The following TSPAN9 variants were observed in gnomAD, a reference collection of about 807,000 sequenced individuals.
TSPAN9 encodes tetraspanin-9.
In TSPAN9, 16 loss-of-function variants were observed where a neutral mutation model predicts 31.0. The observed-to-expected ratio is 0.52, with a 90% confidence interval of 0.35 to 0.78. The LOEUF (loss-of-function observed/expected upper bound fraction) is 0.78, where lower values mean the gene tolerates loss of function less well. Among genes scored for constraint, TSPAN9 ranks in the 30% least tolerant of loss-of-function variants. TSPAN9 has a pLI of 0.01. For synonymous variants in TSPAN9, 145 were observed against 121.6 expected (o/e 1.19, Z -1.27); for missense variants, 272 against 312.5 (o/e 0.87, Z 0.98).
intron 3 of TSPAN9, among the ~76,000 whole-genome samples, chr12:3,221,352 A>ATTTTTTTTTTTTTTT (rs200531623): frequency 7.6e-6 from 1 of 131,646 alleles, no homozygotes; most frequent in Non-Finnish European, 1.6e-5. Context: ...TATTTAAAAT[A>ATTTTTTTTTTTTTTT]TTTTTCTCTT....
At chr12:3,118,871 G>C (rs1591635964) in intron 2 of TSPAN9, among the ~76,000 whole-genome samples, 1 of 152,324 alleles carries the variant, frequency 6.6e-6, no homozygotes, top group South Asian at 2.1e-4. Flanking sequence ...ATGAGGGTCA[G>C]GTGACATGTT....
At chr12:3,096,736 C>T (rs2098309247) in intron 2 of TSPAN9, among the ~76,000 whole-genome samples, 1 of 151,490 alleles carries the variant, frequency 6.6e-6, no homozygotes, top group South Asian at 2.1e-4. Context: ...CTCGCTCTGT[C>T]GCCCGGAGTG....
intron 3 of TSPAN9, among the ~76,000 whole-genome samples, chr12:3,213,915 C>T (rs913622806): frequency 1.8e-4 from 28 of 152,224 alleles, no homozygotes; most frequent in African/African-American, 6.3e-4. Context: ...CCTGCATTTC[C>T]TCCCCACTCC....
chr12:3,226,773 TATATATATATATATATATATA>T lies in TSPAN9; in HGVS notation c.63+25518_63+25538del, dbSNP rs1565622573. Among the ~76,000 whole-genome samples, 28 of 5,488 alleles carry T rather than the reference TATATATATATATATATATATA, an allele frequency of 5.1e-3. 6 individuals carry two copies. Among genetic ancestry groups the T allele is most frequent in the African/African-American group, 0.013 (22 of 1,680 alleles). 3.6% of individuals were successfully genotyped at this position (5,488 alleles called of 152,430 possible). On this transcript the variant is annotated intron_variant, in intron 3 of 8. Coordinates refer to ENST00000011898, the MANE Select transcript of TSPAN9 (RefSeq NM_006675.5). ...ATATATATATATATATATATATATA[TATATATATATATATATATATA>T]TTTTTTTTTTTTTTTCCCTCTTCGA...
At position 3,280,337 on chromosome 12, in the gene TSPAN9, T is replaced by TGGA. The variant is rs778494539; in HGVS notation, c.331-44_331-43insGAG. The stretch of plus-strand genomic sequence containing the variant: ...CCTGAGGTGGGCTGGAGAGACGAGC[T>TGGA]GCGTCCTGGTTCCAACCGTCTCACT... On this transcript the variant is annotated intron_variant, in intron 5 of 8. Transcript: ENST00000011898. This position sits in a 1 kb window ranked among gnomAD's most constrained non-coding sequence, Gnocchi z 4.5. The TGGA allele has an allele frequency of 6.3e-7, 1 of 1,575,694 alleles. No homozygotes were observed. Among genetic ancestry groups the TGGA allele is most frequent in the East Asian group, 2.2e-5 (1 of 44,690 alleles).
intron 2 of TSPAN9, among the ~76,000 whole-genome samples, chr12:3,165,394 C>T (rs2098347753): frequency 6.6e-6 from 1 of 152,182 alleles, no homozygotes; most frequent in Non-Finnish European, 1.5e-5. Context: ...TTTCAGTAAA[C>T]TTTATGAAGT....
intron 2 of TSPAN9, among the ~76,000 whole-genome samples, chr12:3,109,042 T>C (rs1168967479): frequency 6.6e-6 from 1 of 151,986 alleles, no homozygotes; most frequent in Non-Finnish European, 1.5e-5. Context: ...TTTACACCAT[T>C]CTCCTGTCTC....
chr12:3,199,583 A>AG (rs1293692278), intron 2 of TSPAN9, among the ~76,000 whole-genome samples: 22 of 152,260 alleles, frequency 1.4e-4, no homozygotes, highest in African/African-American at 5.1e-4. Flanking sequence ...AGGCGGGGTG[A>AG]GGAAAGGCAA....
chr12:3,104,923 G>C (rs2098313515), intron 2 of TSPAN9, among the ~76,000 whole-genome samples: 1 of 152,248 alleles, frequency 6.6e-6, no homozygotes, highest in Non-Finnish European at 1.5e-5. Context: ...CAGTGGACAG[G>C]CGTGTGGGGG....
intron 3 of TSPAN9, among the ~76,000 whole-genome samples, chr12:3,275,243 C>CCA (rs1298064196): frequency 1.3e-5 from 2 of 152,284 alleles, no homozygotes; most frequent in East Asian, 3.9e-4. Flanking sequence ...AGGGGCCCCC[C>CCA]GCTGCAGGTA....
chr12:3,142,580 G>A (rs373158879), intron 2 of TSPAN9, among the ~76,000 whole-genome samples: 1 of 152,116 alleles, frequency 6.6e-6, no homozygotes, highest in African/African-American at 2.4e-5. Context: ...AATCCGATCC[G>A]AGGCTCAGCA....
intron 2 of TSPAN9, among the ~76,000 whole-genome samples, chr12:3,165,765 A>G (rs1164035508): frequency 6.6e-6 from 1 of 152,168 alleles, no homozygotes; most frequent in African/African-American, 2.4e-5. Flanking sequence ...GCAGAGGTTT[A>G]ATTTATGATG....
intron 3 of TSPAN9, among the ~76,000 whole-genome samples, chr12:3,213,350 C>T (rs1269858680): frequency 6.6e-6 from 1 of 152,194 alleles, no homozygotes; most frequent in South Asian, 2.1e-4. Flanking sequence ...AGGGGGGCTT[C>T]CCCCGCTTGT....
At chr12:3,101,635 G>A (rs1219967988) in intron 2 of TSPAN9, among the ~76,000 whole-genome samples, 2 of 152,090 alleles carry the variant, frequency 1.3e-5, no homozygotes, top group South Asian at 2.1e-4. Context: ...CGGGCCTCAC[G>A]GACTGGCTGC....
chr12:3,118,379 C>A (rs11062511), intron 2 of TSPAN9, among the ~76,000 whole-genome samples: 103,503 of 149,390 alleles, frequency 0.69, 37,555 homozygotes, highest in East Asian at 0.83. Flanking sequence ...CTCCTGCCTC[C>A]GCCTCCCGAG....
At chr12:3,268,901 T>C (rs1400827104) in intron 3 of TSPAN9, among the ~76,000 whole-genome samples, 19 of 96,050 alleles carry the variant, frequency 2.0e-4, no homozygotes, top group East Asian at 5.4e-4. Context: ...GCCCTCTCTG[T>C]GTTCCTGCAG....
chr12:3,217,523 C>T (rs117416855), intron 3 of TSPAN9, among the ~76,000 whole-genome samples: 3,312 of 152,260 alleles, frequency 0.022, 65 homozygotes, highest in South Asian at 0.035. Context: ...ATTGAGGCAG[C>T]GGTGAGGGCC....
intron 2 of TSPAN9, among the ~76,000 whole-genome samples, chr12:3,140,157 A>G (rs1364543347): frequency 2.0e-3 from 1 of 510 alleles, no homozygotes; most frequent in African/African-American, 2.8e-3. Flanking sequence ...GACCTGGGCT[A>G]TCTGTAAGGA....
At chr12:3,108,451 C>G (rs1172187090) in intron 2 of TSPAN9, among the ~76,000 whole-genome samples, 1 of 152,166 alleles carries the variant, frequency 6.6e-6, no homozygotes, top group Non-Finnish European at 1.5e-5. Flanking sequence ...TTGAAGGTAG[C>G]ATGGCTTTTC....
Sources: allele counts gnomAD v4.1 joint callset (sites outside exome capture counted in the v4.1 genomes callset), GRCh38; gene constraint gnomAD v4.1.1; non-coding constraint Gnocchi (gnomAD v3.1); transcripts MANE v1.5; gene names NCBI Gene and HGNC (gene_info 2026-07-23, HGNC 2026-07-21).